CEACAM21: variants seen among roughly 807,000 people sequenced by gnomAD.
The protein encoded by CEACAM21 is CEA cell adhesion molecule 21.
CEACAM21 carries 38 observed loss-of-function variants against 33.2 expected under a neutral mutation model. The ratio of observed to expected loss-of-function variants is 1.14; its 90% CI spans 0.88 to 1.50. CEACAM21 has a LOEUF of 1.50. CEACAM21 is among the 40% of genes most tolerant of loss of function. The pLI, the probability that CEACAM21 is intolerant of heterozygous loss-of-function variation, is 0.00. For synonymous variants in CEACAM21, 156 were observed against 143.0 expected, an observed-to-expected ratio of 1.09 and a Z score of -0.65; for missense variants, 385 against 364.6, an observed-to-expected ratio of 1.06 and a Z score of -0.46.
At chr19:41,556,533 G>A (rs1160703894) in intron 1 of CEACAM21, among the ~76,000 whole-genome samples, 1 of 152,188 alleles carries the variant, frequency 6.6e-6, no homozygotes, top group Non-Finnish European at 1.5e-5. Flanking sequence ...AAACCTTCCA[G>A]ATCTCTTATA....
upstream of CEACAM21, among the ~76,000 whole-genome samples, chr19:41,572,482 T>C (rs1161859438): frequency 8.6e-5 from 13 of 151,992 alleles, no homozygotes; most frequent in Non-Finnish European, 1.9e-4. Context: ...GGGGGAGAGC[T>C]TTGTTCCCAG....
intron 1 of CEACAM21, among the ~76,000 whole-genome samples, chr19:41,564,188 G>C (rs189381484): frequency 6.6e-6 from 1 of 152,084 alleles, no homozygotes; most frequent in Middle Eastern, 3.4e-3. Flanking sequence ...CATTGTGAAC[G>C]CTTGCTGGCC....
chr19:41,574,917 G>A (rs2042836721), upstream of CEACAM21, among the ~76,000 whole-genome samples: 1 of 152,048 alleles, frequency 6.6e-6, no homozygotes, highest in South Asian at 2.1e-4. Context: ...TTTCACAATA[G>A]CAAAAATGTG....
chr19:41,573,713 A>G (rs573713982), upstream of CEACAM21, among the ~76,000 whole-genome samples: 1 of 152,302 alleles, frequency 6.6e-6, no homozygotes, highest in East Asian at 1.9e-4. Flanking sequence ...GGGTCTCTCA[A>G]TTATTTCATG....
rs570012144 is a variant in CEACAM21 at position 41,577,389 on chromosome 19, A to G, written c.254A>G (p.Asp85Gly). ...CAGCTAATCGCAGCATATGTAATAG[A>G]CACTCACGTTAGGACTCCAGGGCCT... The part of the protein sequence containing the change: ...PNQLIAAYVI[D>G]THVRTPGPAY... The change falls in exon 2 of 7, where the codon GAC (aspartate) becomes GGC (glycine). Residue 85 changes from aspartate (D) to glycine (G), a missense_variant. Asp to Gly is a moderately conservative substitution (Grantham distance 94, BLOSUM62 -1). Coordinates refer to ENST00000401445, the MANE Select transcript of CEACAM21 (RefSeq NM_001098506.4). The G allele has an allele frequency of 1.9e-5, 31 of 1,614,114 alleles. No homozygotes were observed. The African/African-American group carries it at 3.7e-4, about 19-fold the overall frequency.
chr19:41,559,142 A>T (rs7260464), intron 1 of CEACAM21, among the ~76,000 whole-genome samples: 14,950 of 152,268 alleles, frequency 0.098, 2,246 homozygotes, highest in African/African-American at 0.32. Flanking sequence ...AGTTTTTTAA[A>T]GCACACATGG....
Position 41,585,937 on chromosome 19 carries a change from G to T in CEACAM21, c.*66G>T, listed in dbSNP as rs1600304679. On this transcript the variant is annotated intron_variant, in intron 6 of 6. Coordinates refer to ENST00000401445, the MANE Select transcript of CEACAM21 (RefSeq NM_001098506.4). ...CAGCTGTGCAGGCTCAGGGCAGGGG[G>T]ACTGTCAATCCCCAGCACAAACCCA... 5.9e-6 allele frequency: 9 copies of T among 1,530,690 alleles called. No individual in the cohort carries two copies. In the Admixed American group the frequency reaches 1.6e-4, roughly 27 times the overall value. 94.8% of individuals were successfully genotyped at this position (1,530,690 alleles called of 1,614,324 possible).
intron 1 of CEACAM21, chr19:41,555,236 A>G (rs1273291582): frequency 6.6e-6 from 1 of 151,330 alleles, no homozygotes; most frequent in Non-Finnish European, 1.5e-5. Flanking sequence ...CTACAAATAA[A>G]TGCTTCACTC....
At chr19:41,584,482 G>T (rs781833242) in intron 4 of CEACAM21, 39 bp downstream of exon 4, 4 of 1,548,278 alleles carry the variant, frequency 2.6e-6, no homozygotes, top group African/African-American at 2.7e-5. Context: ...CATCCTTCAC[G>T]CTGACCCCAG....
intron 4 of CEACAM21, 126 bp downstream of exon 4, chr19:41,584,569 C>T: frequency 1.2e-6 from 1 of 825,248 alleles, no homozygotes; most frequent in Non-Finnish European, 2.0e-6. Flanking sequence ...GGATCCTTCC[C>T]TCTCATTCCA....
chr19:41,577,921 C>T (rs1003399521), intron 2 of CEACAM21, among the ~76,000 whole-genome samples: 1 of 152,156 alleles, frequency 6.6e-6, no homozygotes, highest in African/African-American at 2.4e-5. Context: ...GAAGCTCAGC[C>T]CTTGAAGCCC....
At position 41,585,832 on chromosome 19, in the gene CEACAM21, G is replaced by A; in HGVS notation, c.851-8G>A. The A allele has an allele frequency of 1.2e-6, 2 of 1,612,270 alleles. No homozygotes were observed. The highest frequency in any genetic ancestry group is 1.7e-6 in the Non-Finnish European group (2 of 1,179,226). ...CACTCTCGTGCTCACTTTTGTCTCTGTCCCCAGGCCATGGACCCTCTGACA... is the reference window on the plus strand; with the variant it reads ...CACTCTCGTGCTCACTTTTGTCTCTATCCCCAGGCCATGGACCCTCTGACA... On this transcript the variant is annotated splice_polypyrimidine_tract_variant and splice_region_variant and intron_variant, in intron 5 of 6. Coordinates refer to ENST00000401445, the MANE Select transcript of CEACAM21 (RefSeq NM_001098506.4).
intron 1 of CEACAM21, among the ~76,000 whole-genome samples, chr19:41,563,210 T>C (rs554239817): frequency 1.3e-5 from 2 of 152,296 alleles, no homozygotes; most frequent in South Asian, 2.1e-4. Flanking sequence ...ATACTGGTTC[T>C]GTTCTTTCTT....
chr19:41,573,633 C>T (rs781887365), upstream of CEACAM21, among the ~76,000 whole-genome samples: 13 of 152,130 alleles, frequency 8.5e-5, no homozygotes, highest in Admixed American at 2.6e-4. Flanking sequence ...AAATTGTTTC[C>T]CAAAACAAAA....
intron 3 of CEACAM21, among the ~76,000 whole-genome samples, chr19:41,581,021 T>C (rs1182426453): frequency 6.6e-6 from 1 of 152,084 alleles, no homozygotes; most frequent in Non-Finnish European, 1.5e-5. Context: ...TACCAGAAAA[T>C]GGGTGTATTA....
chr19:41,565,183 G>C (rs2122187488), intron 2 of CEACAM21: 1 of 152,514 alleles, frequency 6.6e-6, no homozygotes, highest in South Asian at 2.1e-4. Flanking sequence ...GGCCGCCAGT[G>C]ACCCCGGCGG....
chr19:41,562,062 A>G lies in CEACAM21; in HGVS notation c.-778-2620A>G, dbSNP rs147293641. Among the ~76,000 whole-genome samples, 788 of 152,296 alleles carry G rather than the reference A, an allele frequency of 5.2e-3. 2 individuals are homozygous for G. Among genetic ancestry groups the G allele is most frequent in the Admixed American group, 0.01 (157 of 15,296 alleles). On this transcript the variant is annotated intron_variant, in intron 1 of 7. Coordinates refer to the CEACAM21 transcript ENST00000407170. ...GGAGTTCGAGACCAGCCTGACAAAC[A>G]TGGTGAAACCCCATCTGTACTAAAA...
intron 3 of CEACAM21, 55 bp downstream of exon 3, chr19:41,579,683 A>AT: frequency 8.6e-7 from 1 of 1,160,470 alleles, no homozygotes; most frequent in Non-Finnish European, 1.2e-6. Context: ...CCTAGGAGGG[A>AT]GGGGGGGTGT....
intron 1 of CEACAM21, among the ~76,000 whole-genome samples, chr19:41,557,858 T>C (rs553231134): frequency 6.6e-6 from 1 of 152,326 alleles, no homozygotes; most frequent in African/African-American, 2.4e-5. Flanking sequence ...CTACTTGGTG[T>C]GTAAGGTAGA....
Sources: gnomAD v4.1 joint callset for allele counts (sites outside exome capture counted in the v4.1 genomes callset) on GRCh38, gnomAD v4.1.1 for gene constraint, MANE v1.5 for transcripts, NCBI Gene and HGNC (gene_info 2026-07-23, HGNC 2026-07-21) for gene names.